Variants in SERAC1 observed in about 807,000 individuals in gnomAD.
The protein encoded by SERAC1 is protein SERAC1.
SERAC1 carries 36 observed loss-of-function variants against 85.7 expected under a neutral mutation model. The observed-to-expected ratio is 0.42, with a 90% confidence interval of 0.32 to 0.55. The LOEUF (loss-of-function observed/expected upper bound fraction) is 0.55. Among genes scored for constraint, SERAC1 ranks in the 20% least tolerant of loss-of-function variants. SERAC1 has a pLI of 0.11. For missense variants in SERAC1, 629 were observed against 796.2 expected, an observed-to-expected ratio of 0.79 and a Z score of 2.53; for synonymous variants, 242 against 265.3, an observed-to-expected ratio of 0.91 and a Z score of 0.85.
intron 9 of SERAC1, 133 bp from the exon 10 acceptor site, chr6:158,128,403 C>T: frequency 1.4e-6 from 1 of 706,656 alleles, no homozygotes; most frequent in South Asian, 2.1e-5. Flanking sequence ...CCTCAAAGCT[C>T]TTGTCTCAGC....
chr6:158,144,498 T>A, intron 6 of SERAC1, 78 bp from the exon 7 acceptor site: 3 of 1,380,928 alleles, frequency 2.2e-6, no homozygotes, highest in Non-Finnish European at 3.0e-6. Context: ...ACAAACAACT[T>A]GAAAGCACTC....
chr6:158,144,554 G>A, intron 6 of SERAC1, 134 bp from the exon 7 acceptor site: 3 of 749,276 alleles, frequency 4.0e-6, no homozygotes, highest in Non-Finnish European at 6.3e-6. Context: ...AATTTCCCAA[G>A]TGCAACTACA....
Position 158,117,437 on chromosome 6 carries a change from C to G in SERAC1, c.1403+290G>C, listed in dbSNP as rs375475490. 145 of 1,362,480 alleles carry G rather than the reference C, an allele frequency of 1.1e-4. No individual in the cohort carries two copies. The East Asian group carries it at 1.3e-3, about 12-fold the overall frequency. 84.4% of individuals were successfully genotyped at this position (1,362,480 alleles called of 1,614,324 possible). ...GAACAAAAAAACATCACTTTTACTT[C>G]TGATAGAAAAGGAGACTGCTAGACA... On this transcript the variant is annotated intron_variant, in intron 13 of 16. Transcript: ENST00000647468. This position sits in a 1 kb window ranked among gnomAD's most constrained non-coding sequence, Gnocchi z 4.3.
chr6:158,163,525 A>G (rs1280611819), intron 1 of SERAC1, among the ~76,000 whole-genome samples: 1 of 152,198 alleles, frequency 6.6e-6, no homozygotes, highest in African/African-American at 2.4e-5. Context: ...CATGCCTGTA[A>G]TACCAGCTAC....
Position 158,143,154 on chromosome 6 carries a change from A to G in SERAC1, c.640T>C (p.Leu214=). Residue 214 remains leucine, a synonymous_variant, in exon 8 of 17, where the codon TTG becomes CTG. Coordinates refer to ENST00000647468, the MANE Select transcript of SERAC1 (RefSeq NM_032861.4). ...TCTGTTTGAGGTAAGGAAGCCAGCA[A>G]CTGTCTGAGCTCTTCTTCAGTGGAA... ...DSSTEEELRQ[L]LASLPQTELD... 3 of 1,613,874 alleles carry G rather than the reference A, an allele frequency of 1.9e-6. No homozygotes were observed. The highest frequency in any genetic ancestry group is 2.5e-6 in the Non-Finnish European group (3 of 1,179,844).
Position 158,110,967 on chromosome 6 carries a change from G to A in SERAC1, c.*399C>T, listed in dbSNP as rs1261132690. On this transcript the variant is annotated 3_prime_UTR_variant, in exon 17 of 17. Transcript: ENST00000647468. Reference sequence around the variant, plus strand: ...TAGTTCATTCTTCTCTCCATTTTAGGTACTCTCTTAATGGCATTTTTATGG... The same window carrying A: ...TAGTTCATTCTTCTCTCCATTTTAGATACTCTCTTAATGGCATTTTTATGG... The A allele has an allele frequency of 6.5e-6, 1 of 154,246 alleles. No homozygotes were observed. The highest frequency in any genetic ancestry group is 1.4e-5 in the Non-Finnish European group (1 of 69,502). 9.6% of individuals were successfully genotyped at this position (154,246 alleles called of 1,614,324 possible). A position where few individuals can be genotyped will look rare whatever the true frequency, so the allele number is the denominator to read the frequency against.
In SERAC1 at chr6:158,120,534, T is replaced by C. The variant is rs746393752; in HGVS notation, c.1057A>G (p.Ile353Val). The change falls in exon 11 of 17, where the codon ATT (isoleucine) becomes GTT (valine). Residue 353 changes from isoleucine to valine, a missense_variant. Transcript: ENST00000647468. This position sits in a 1 kb window ranked among gnomAD's most constrained non-coding sequence, Gnocchi z 4.4. Reference sequence around the variant, plus strand: ...CTGGCAGCGTGTGAGGACTCCATAATGTGGGGAGATTTCATTGCTTCTGCC... The same window carrying C: ...CTGGCAGCGTGTGAGGACTCCATAACGTGGGGAGATTTCATTGCTTCTGCC... ...IMAEAMKSPH[I>V]MESSHAARIL... 4 of 1,614,010 alleles carry C rather than the reference T, an allele frequency of 2.5e-6. No homozygotes were observed. Among genetic ancestry groups the C allele is most frequent in the Non-Finnish European group, 3.4e-6 (4 of 1,179,970 alleles).
intron 10 of SERAC1, 21 bp downstream of exon 10, chr6:158,128,087 C>A: frequency 1.9e-6 from 3 of 1,590,786 alleles, no homozygotes; most frequent in Non-Finnish European, 2.6e-6. Flanking sequence ...GTAAAAAATA[C>A]TCAGTATATA....
At chr6:158,122,518 A>G (rs1038200571) in intron 10 of SERAC1, among the ~76,000 whole-genome samples, 7 of 152,174 alleles carry the variant, frequency 4.6e-5, no homozygotes, top group Non-Finnish European at 8.8e-5. Flanking sequence ...GTGGTGTTTC[A>G]TGCCTGTAAT....
At chr6:158,146,398 C>CT (rs1007942638) in intron 6 of SERAC1, 2,462 of 66,810 alleles carry the variant, frequency 0.037, 696 homozygotes, top group African/African-American at 0.086. Context: ...ACTCCCTTGT[C>CT]TTTTTTTTTT....
In SERAC1 at chr6:158,130,453, G is replaced by A. The variant is rs571113650; in HGVS notation, c.772C>T (p.Pro258Ser). 2 of 1,602,718 alleles carry A rather than the reference G, an allele frequency of 1.2e-6. No homozygotes were observed. Among genetic ancestry groups the A allele is most frequent in the Admixed American group, 3.4e-5 (2 of 58,162 alleles). The change falls in exon 9 of 17, where the codon CCT (proline) becomes TCT (serine). Residue 258 changes from proline to serine, a missense_variant. Coordinates refer to ENST00000647468, the MANE Select transcript of SERAC1 (RefSeq NM_032861.4). ...GLWCFGGNGL[P>S]YAESFGEVPS... ...ACTTCTCCAAAACTTTCAGCATAAG[G>A]AAGTCCATTTCCTCCAAAACACCAT...
chr6:158,163,351 AT>A (rs1748553365), intron 1 of SERAC1, among the ~76,000 whole-genome samples: 1 of 152,216 alleles, frequency 6.6e-6, no homozygotes, highest in African/African-American at 2.4e-5. Context: ...AGTAAATTTT[AT>A]TTTTTTATAA....
At chr6:158,134,800 A>G (rs1784753782) in intron 8 of SERAC1, among the ~76,000 whole-genome samples, 1 of 152,156 alleles carries the variant, frequency 6.6e-6, no homozygotes, top group African/African-American at 2.4e-5. Flanking sequence ...TTGAAGAGCA[A>G]CAGGACAGTC....
chr6:158,123,543 A>G (rs1784468270), intron 10 of SERAC1, among the ~76,000 whole-genome samples: 1 of 152,238 alleles, frequency 6.6e-6, no homozygotes, highest in African/African-American at 2.4e-5. Context: ...TACAATAGTC[A>G]TTGCTAAGAA....
At chr6:158,136,987 G>A (rs1356736193) in intron 8 of SERAC1, among the ~76,000 whole-genome samples, 1 of 151,992 alleles carries the variant, frequency 6.6e-6, no homozygotes, top group Admixed American at 6.6e-5. Context: ...GTGAAACCCC[G>A]TCTCTACTAA....
intron 5 of SERAC1, among the ~76,000 whole-genome samples, chr6:158,148,604 G>C (rs1375216670): frequency 6.6e-6 from 1 of 151,842 alleles, no homozygotes; most frequent in African/African-American, 2.4e-5. Context: ...CACCACACCT[G>C]GCTAATTTTT....
chr6:158,157,155 C>T (rs1015634464), intron 2 of SERAC1, among the ~76,000 whole-genome samples: 2 of 151,548 alleles, frequency 1.3e-5, no homozygotes, highest in Non-Finnish European at 2.9e-5. Context: ...CACCACCACA[C>T]CCAGCTAATT....
At chr6:158,125,483 T>C (rs1784518939) in intron 10 of SERAC1, among the ~76,000 whole-genome samples, 1 of 152,052 alleles carries the variant, frequency 6.6e-6, no homozygotes, top group Non-Finnish European at 1.5e-5. Context: ...TGAGACACAA[T>C]AAATCTGTTA....
intron 8 of SERAC1, among the ~76,000 whole-genome samples, chr6:158,132,781 C>T (rs1382410694): frequency 6.6e-6 from 1 of 152,058 alleles, no homozygotes; most frequent in Non-Finnish European, 1.5e-5. Context: ...TACAAAGGAA[C>T]AAACTCACAG....
Sources: gnomAD v4.1 joint callset for allele counts (sites outside exome capture counted in the v4.1 genomes callset) on GRCh38, gnomAD v4.1.1 for gene constraint, Gnocchi (gnomAD v3.1) non-coding constraint, MANE v1.5 for transcripts, NCBI Gene and HGNC (gene_info 2026-07-23, HGNC 2026-07-21) for gene names.